Variants in HSF2BP observed in about 807,000 individuals in gnomAD.
HSF2BP encodes the protein heat shock transcription factor 2 binding protein.
HSF2BP carries 35 observed loss-of-function variants against 35.0 expected under a neutral mutation model. The ratio of observed to expected loss-of-function variants is 1.00; its 90% CI spans 0.76 to 1.32. The LOEUF is 1.32. Ranked by LOEUF, HSF2BP falls within the 40% of genes most tolerant of loss-of-function variation. The pLI is 0.00. For missense variants in HSF2BP, 326 were observed against 321.7 expected, an observed-to-expected ratio of 1.01 and a Z score of -0.10; for synonymous variants, 114 against 117.4, an observed-to-expected ratio of 0.97 and a Z score of 0.18.
At chr21:43,654,865 TCA>T (rs1165139140) in intron 3 of HSF2BP, among the ~76,000 whole-genome samples, 1 of 152,160 alleles carries the variant, frequency 6.6e-6, no homozygotes, top group East Asian at 1.9e-4. Context: ...GGCCTGAGTC[TCA>T]AGCCCTATTG....
chr21:43,648,159 T>C lies in HSF2BP; in HGVS notation c.188-3767A>G, dbSNP rs543087497. 1.4e-4 allele frequency among the ~76,000 whole-genome samples: 21 copies of C among 152,176 alleles called. No homozygotes were observed. The East Asian group carries it at 3.5e-3, about 25-fold the overall frequency. ...CCATAAGCTCCCCAAGTGTTTTTTT[T>C]CCCTCTACTTTCCTATGTTCTGGAC... On this transcript the variant is annotated intron_variant, in intron 3 of 8. Coordinates refer to ENST00000291560, the MANE Select transcript of HSF2BP (RefSeq NM_007031.2).
chr21:43,657,588 A>G (rs1028044102), intron 2 of HSF2BP, among the ~76,000 whole-genome samples: 3 of 152,226 alleles, frequency 2.0e-5, no homozygotes, highest in African/African-American at 7.2e-5. Flanking sequence ...AGCACAATTA[A>G]TAACGGGTGG....
At chr21:43,658,793 G>A (rs1169292493) in intron 1 of HSF2BP, among the ~76,000 whole-genome samples, 1 of 152,218 alleles carries the variant, frequency 6.6e-6, no homozygotes, top group African/African-American at 2.4e-5. Context: ...TGGCACCAGG[G>A]CTCCGGGGTA....
intron 8 of HSF2BP, among the ~76,000 whole-genome samples, chr21:43,575,374 C>T (rs992505852): frequency 1.3e-5 from 2 of 152,158 alleles, no homozygotes; most frequent in African/African-American, 4.8e-5. Context: ...GAGAATTACA[C>T]CCGCCACCTA....
chr21:43,615,774 A>C (rs951717712), intron 6 of HSF2BP, among the ~76,000 whole-genome samples: 1 of 152,186 alleles, frequency 6.6e-6, no homozygotes, highest in African/African-American at 2.4e-5. Flanking sequence ...AGAAAAACAA[A>C]GCAAGTAAGC....
chr21:43,606,344 A>C lies in HSF2BP; in HGVS notation c.692+7486T>G, dbSNP rs1601656868. On this transcript the variant is annotated intron_variant, in intron 7 of 8. Coordinates refer to ENST00000291560, the MANE Select transcript of HSF2BP (RefSeq NM_007031.2). ...AGAAGAAGGATGGCTGGGCTGATCC[A>C]AGGTTGAAAGCATCAGGAAATGTGA... Among the ~76,000 whole-genome samples, 2 of 152,342 alleles carry C rather than the reference A, an allele frequency of 1.3e-5. 1 individual carries two copies. Among genetic ancestry groups the C allele is most frequent in the South Asian group, 4.1e-4 (2 of 4,830 alleles).
chr21:43,635,832 G>A (rs544604416), intron 4 of HSF2BP, among the ~76,000 whole-genome samples: 14 of 151,418 alleles, frequency 9.2e-5, no homozygotes, highest in Admixed American at 2.6e-4. Flanking sequence ...GGGAGGCTGA[G>A]GCAGGAGAAT....
chr21:43,645,147 A>C (rs1045141652), intron 3 of HSF2BP, among the ~76,000 whole-genome samples: 12 of 152,238 alleles, frequency 7.9e-5, no homozygotes, highest in African/African-American at 2.9e-4. Context: ...TTTTTATGCC[A>C]ACATATACCA....
chr21:43,586,011 C>T (rs2081846109), intron 8 of HSF2BP, among the ~76,000 whole-genome samples: 1 of 152,176 alleles, frequency 6.6e-6, no homozygotes, highest in South Asian at 2.1e-4. Flanking sequence ...CTGATCAATG[C>T]TTTGTGTTAC....
At position 43,641,137 on chromosome 21, in the gene HSF2BP, C is replaced by T. The variant is rs1010876336; in HGVS notation, c.291+3152G>A. ...CCTCCCGAGTAGCTGGGACTACAGG[C>T]GCCCACCACCACGCCTGGCTAATTT... is the stretch of plus-strand genomic sequence containing the variant. On this transcript the variant is annotated intron_variant, in intron 4 of 8. Transcript: ENST00000291560. 1.9e-4 allele frequency among the ~76,000 whole-genome samples: 29 copies of T among 152,138 alleles called. 1 individual carries two copies. The highest frequency in any genetic ancestry group is 4.1e-4 in the South Asian group (2 of 4,820).
chr21:43,581,292 A>AAG (rs1485335959), intron 8 of HSF2BP, among the ~76,000 whole-genome samples: 1 of 152,098 alleles, frequency 6.6e-6, no homozygotes, highest in Non-Finnish European at 1.5e-5. Context: ...AGGCTGAGGC[A>AAG]GAAGAATGGC....
chr21:43,594,791 C>T (rs1460482306), intron 7 of HSF2BP, among the ~76,000 whole-genome samples: 1 of 151,722 alleles, frequency 6.6e-6, no homozygotes, highest in East Asian at 1.9e-4. Flanking sequence ...TTGGAAAAAT[C>T]ATAATAAAAA....
At chr21:43,632,070 A>C (rs968537167) in intron 5 of HSF2BP, among the ~76,000 whole-genome samples, 15 of 8,894 alleles carry the variant, frequency 1.7e-3, no homozygotes, top group Non-Finnish European at 2.1e-3. Flanking sequence ...ACACGCTCCC[A>C]CATACACACG....
At chr21:43,641,477 A>G (rs1275056389) in intron 4 of HSF2BP, among the ~76,000 whole-genome samples, 8 of 151,946 alleles carry the variant, frequency 5.3e-5, no homozygotes, top group Non-Finnish European at 1.0e-4. Flanking sequence ...AAACATCTCC[A>G]CCATGGCCAG....
rs982450105 is a variant in HSF2BP, at chr21:43,630,337, C to T, written c.559G>A (p.Ala187Thr). ...SDESQFVFAL[A>T]GIVTNVAAIA... ...CTGCACTTACTCGTGACAATTCCAG[C>T]CAGAGCGAAAACAAACTGACTTTCA... Residue 187 changes from alanine (A) to threonine (T), a missense_variant, in exon 6 of 9, where the codon GCT becomes ACT. Physicochemically the swap from Ala to Thr is moderately conservative, Grantham distance 58. Coordinates refer to ENST00000291560, the MANE Select transcript of HSF2BP (RefSeq NM_007031.2). The T allele has an allele frequency of 1.1e-5, 17 of 1,611,832 alleles. No homozygotes were observed. The highest frequency in any genetic ancestry group is 1.3e-5 in the Non-Finnish European group (15 of 1,179,224).
chr21:43,619,391 T>G (rs553084553), intron 6 of HSF2BP, among the ~76,000 whole-genome samples: 3 of 152,286 alleles, frequency 2.0e-5, no homozygotes, highest in Non-Finnish European at 4.4e-5. Flanking sequence ...AATGGTGGCA[T>G]AGAAGCAAGT....
intron 4 of HSF2BP, among the ~76,000 whole-genome samples, chr21:43,642,302 A>G (rs921679708): frequency 2.0e-5 from 3 of 152,020 alleles, no homozygotes; most frequent in Non-Finnish European, 4.4e-5. Flanking sequence ...GGTCGAAGCT[A>G]CTGCAACTAT....
intron 4 of HSF2BP, among the ~76,000 whole-genome samples, chr21:43,636,201 AAAG>A (rs1184142575): frequency 7.7e-6 from 1 of 130,078 alleles, no homozygotes; most frequent in South Asian, 2.3e-4. Flanking sequence ...GAAAGAAAAA[AAAG>A]AAAGAAAAGA....
At chr21:43,620,672 G>A (rs768976755) in intron 6 of HSF2BP, among the ~76,000 whole-genome samples, 3 of 152,142 alleles carry the variant, frequency 2.0e-5, no homozygotes, top group Non-Finnish European at 4.4e-5. Context: ...TCCAGCCTGG[G>A]TAACAGAGCA....
Sources: gnomAD v4.1 joint callset for allele counts (sites outside exome capture counted in the v4.1 genomes callset) on GRCh38, gnomAD v4.1.1 for gene constraint, MANE v1.5 for transcripts, NCBI Gene and HGNC (gene_info 2026-07-23, HGNC 2026-07-21) for gene names.